TRPM3: variants seen among roughly 807,000 people sequenced by gnomAD.
TRPM3 encodes long transient receptor potential channel 3.
A neutral mutation model predicts 181.2 loss-of-function variants in TRPM3; 77 were observed. The ratio of observed to expected loss-of-function variants is 0.42; its 90% CI spans 0.35 to 0.51. TRPM3 has a LOEUF of 0.51. Among genes scored for constraint, TRPM3 ranks in the 20% least tolerant of loss-of-function variants. The pLI is 0.01. For missense variants in TRPM3, 1,759 were observed against 2,196.7 expected (o/e 0.80, Z 3.98); for synonymous variants, 745 against 796.4 (o/e 0.94, Z 1.09).
chr9:71,291,849 A>G (rs570014244), intron 1 of TRPM3, among the ~76,000 whole-genome samples: 2 of 152,236 alleles, frequency 1.3e-5, no homozygotes, highest in South Asian at 2.1e-4. Context: ...AAATCCTGAA[A>G]CCAGTAACAG....
intron 1 of TRPM3, among the ~76,000 whole-genome samples, chr9:71,394,594 T>G (rs2093145147): frequency 6.6e-6 from 1 of 152,210 alleles, no homozygotes; most frequent in African/African-American, 2.4e-5. Context: ...TTTCTTGAAT[T>G]CACCAATTTC....
intron 22 of TRPM3, among the ~76,000 whole-genome samples, chr9:70,589,932 G>A (rs928102494): frequency 6.6e-6 from 1 of 152,138 alleles, no homozygotes; most frequent in Non-Finnish European, 1.5e-5. Context: ...GTCCTACCGG[G>A]GATGGGCAGT....
intron 8 of TRPM3, among the ~76,000 whole-genome samples, chr9:70,693,475 T>G (rs1030015022): frequency 3.7e-4 from 54 of 145,570 alleles, no homozygotes; most frequent in African/African-American, 1.4e-3. Context: ...TTTTTAGCGC[T>G]TTTTTTTTGA....
At chr9:70,888,362 GGTGTGTGTGTGTGTGTGTGT>G (rs71367235) in intron 1 of TRPM3, among the ~76,000 whole-genome samples, 1 of 143,624 alleles carries the variant, frequency 7.0e-6, no homozygotes, top group Non-Finnish European at 1.5e-5. Context: ...TTTATTTTGG[GGTGTGTGTGTGTGTGTGTGT>G]GTGTGTGTGT....
intron 1 of TRPM3, among the ~76,000 whole-genome samples, chr9:71,077,827 G>C (rs1308179924): frequency 1.3e-5 from 2 of 151,546 alleles, no homozygotes; most frequent in African/African-American, 4.8e-5. Flanking sequence ...ATTGTTGCTA[G>C]ATTCTATGTA....
At chr9:71,177,579 A>G (rs1232085614) in intron 1 of TRPM3, among the ~76,000 whole-genome samples, 1 of 152,132 alleles carries the variant, frequency 6.6e-6, no homozygotes, top group Non-Finnish European at 1.5e-5. Flanking sequence ...TACATTAAAG[A>G]CCTAAGTTTT....
chr9:71,309,338 A>C (rs2087696694), intron 1 of TRPM3, among the ~76,000 whole-genome samples: 1 of 152,206 alleles, frequency 6.6e-6, no homozygotes, highest in Non-Finnish European at 1.5e-5. Context: ...AGATACACTC[A>C]AACTAACATA....
intron 17 of TRPM3, among the ~76,000 whole-genome samples, chr9:70,618,491 G>T (rs974217480): frequency 6.6e-6 from 1 of 152,170 alleles, no homozygotes; most frequent in Non-Finnish European, 1.5e-5. Flanking sequence ...GCCAAGGAGG[G>T]CCAGGGGTTC....
intron 1 of TRPM3, among the ~76,000 whole-genome samples, chr9:70,895,999 G>T (rs2096274005): frequency 6.6e-6 from 1 of 152,016 alleles, no homozygotes; most frequent in Non-Finnish European, 1.5e-5. Flanking sequence ...GATCAAATGG[G>T]CCAGACAACA....
At chr9:71,094,975 A>T (rs562826779) in intron 1 of TRPM3, among the ~76,000 whole-genome samples, 143 of 152,298 alleles carry the variant, frequency 9.4e-4, no homozygotes, top group African/African-American at 3.3e-3. Context: ...AAGCACGCAT[A>T]GCTCTAGAAA....
chr9:70,908,790 A>T (rs1168512102), intron 1 of TRPM3, among the ~76,000 whole-genome samples: 1 of 152,226 alleles, frequency 6.6e-6, no homozygotes, highest in East Asian at 1.9e-4. Flanking sequence ...TAATAGACCA[A>T]TGGAACAGAA....
intron 22 of TRPM3, among the ~76,000 whole-genome samples, chr9:70,585,019 G>A (rs2132425768): frequency 6.6e-6 from 1 of 152,282 alleles, no homozygotes; most frequent in Non-Finnish European, 1.5e-5. Flanking sequence ...CACTTTCCTA[G>A]TGGTGATTAT....
rs117142342 is a variant in TRPM3, at chr9:71,286,041, G to A, written c.183+160612C>T. 7.4e-4 allele frequency among the ~76,000 whole-genome samples: 113 copies of A among 152,104 alleles called. No homozygotes were observed. In the East Asian group the frequency reaches 0.019, roughly 25 times the overall value. On this transcript the variant is annotated intron_variant, in intron 1 of 24. Coordinates refer to the TRPM3 transcript ENST00000357533. ...ATGTGATTTTCAGGGAAAGAAAAAAGTGATTCATTTCTGAAAACCTATAAG... is the reference window on the plus strand; with the variant it reads ...ATGTGATTTTCAGGGAAAGAAAAAAATGATTCATTTCTGAAAACCTATAAG...
At chr9:70,641,895 C>A (rs758384172) in intron 9 of TRPM3, among the ~76,000 whole-genome samples, 1 of 152,192 alleles carries the variant, frequency 6.6e-6, no homozygotes, top group Non-Finnish European at 1.5e-5. Flanking sequence ...TGGCTCCTCT[C>A]AGCCACTGTT....
At chr9:71,382,858 G>A (rs1162103206) in intron 1 of TRPM3, among the ~76,000 whole-genome samples, 2 of 151,712 alleles carry the variant, frequency 1.3e-5, no homozygotes, top group Non-Finnish European at 2.9e-5. Flanking sequence ...ATCAACCACT[G>A]GGATGGTTTA....
chr9:71,219,924 G>A (rs1340386395), intron 1 of TRPM3, among the ~76,000 whole-genome samples: 1 of 152,102 alleles, frequency 6.6e-6, no homozygotes, highest in Admixed American at 6.6e-5. Context: ...TTTTTCTGGG[G>A]AGATTTTTAT....
intron 9 of TRPM3, among the ~76,000 whole-genome samples, chr9:70,680,584 A>G (rs1164842748): frequency 6.6e-6 from 1 of 152,176 alleles, no homozygotes; most frequent in African/African-American, 2.4e-5. Context: ...TCTCTGCCCT[A>G]TCTAGGGAGA....
intron 8 of TRPM3, among the ~76,000 whole-genome samples, chr9:70,697,048 C>T (rs925903072): frequency 6.6e-5 from 10 of 151,970 alleles, no homozygotes; most frequent in African/African-American, 2.2e-4. Flanking sequence ...TAGGGCCACT[C>T]GAGAAGAAGA....
intron 1 of TRPM3, among the ~76,000 whole-genome samples, chr9:70,967,232 C>A (rs749631978): frequency 1.1e-4 from 17 of 152,102 alleles, no homozygotes; most frequent in Non-Finnish European, 1.8e-4. Context: ...TCTAAAGTCC[C>A]AGTTCCTTGG....
Sources: gnomAD v4.1 joint callset for allele counts (sites outside exome capture counted in the v4.1 genomes callset) on GRCh38, gnomAD v4.1.1 for gene constraint, MANE v1.5 for transcripts, NCBI Gene and HGNC (gene_info 2026-07-23, HGNC 2026-07-21) for gene names.